The following LARGE1 variants were observed in gnomAD, a reference collection of about 807,000 sequenced individuals.
LARGE1 encodes the protein LARGE xylosyl- and glucuronyltransferase 1.
A neutral mutation model predicts 87.6 loss-of-function variants in LARGE1; 43 were observed. That is an observed-to-expected ratio of 0.49 (90% CI 0.38 to 0.63). The LOEUF is 0.63. LARGE1 is among the 30% of genes least tolerant of loss of function. The probability of loss-of-function intolerance (pLI) is 0.00; values close to 1 mark genes in which losing one functional copy is unlikely to be tolerated. For missense variants in LARGE1, 802 were observed against 1,000.2 expected, an observed-to-expected ratio of 0.80 and a Z score of 2.67; for synonymous variants, 434 against 394.6, an observed-to-expected ratio of 1.10 and a Z score of -1.18.
chr22:33,719,919 T>C (rs1432668728), intron 2 of LARGE1, among the ~76,000 whole-genome samples: 1 of 152,176 alleles, frequency 6.6e-6, no homozygotes, highest in Non-Finnish European at 1.5e-5. Flanking sequence ...AGTCACATGC[T>C]ATACAGGTTT....
upstream of LARGE1, among the ~76,000 whole-genome samples, chr22:33,920,763 G>C (rs2065925205): frequency 6.9e-6 from 1 of 144,692 alleles, no homozygotes; most frequent in East Asian, 2.1e-4. Context: ...GGCCGCCGCC[G>C]CCGCCTCCGA....
At chr22:33,079,468 C>T in the LARGE1 span, among the ~76,000 whole-genome samples, 1 of 151,986 alleles carries the variant, frequency 6.6e-6, no homozygotes, top group Non-Finnish European at 1.5e-5. Flanking sequence ...ACCTCATGAC[C>T]TGCCCGTCTT....
chr22:33,574,873 T>C (rs888369254), intron 5 of LARGE1, among the ~76,000 whole-genome samples: 4 of 152,032 alleles, frequency 2.6e-5, no homozygotes, highest in Non-Finnish European at 5.9e-5. Flanking sequence ...CACTGGATAA[T>C]ATCCCAGAGA....
the LARGE1 span, among the ~76,000 whole-genome samples, chr22:33,113,986 T>G: frequency 1.3e-5 from 2 of 151,232 alleles, no homozygotes; most frequent in African/African-American, 4.9e-5. Flanking sequence ...TTCTCCTGCC[T>G]CAGCCTCCCA....
At chr22:33,777,231 T>A (rs143322703) in intron 1 of LARGE1, among the ~76,000 whole-genome samples, 1 of 152,252 alleles carries the variant, frequency 6.6e-6, no homozygotes, top group African/African-American at 2.4e-5. Context: ...AACACTCAGA[T>A]AATGGGACTG....
At chr22:33,745,927 A>G (rs1177553835) in intron 2 of LARGE1, among the ~76,000 whole-genome samples, 1 of 152,180 alleles carries the variant, frequency 6.6e-6, no homozygotes, top group African/African-American at 2.4e-5. Context: ...GCGACCTTAC[A>G]TAGAAAAAAA....
intron 9 of LARGE1, among the ~76,000 whole-genome samples, chr22:33,378,963 A>G (rs566920570): frequency 2.9e-4 from 44 of 152,234 alleles, no homozygotes; most frequent in Admixed American, 9.8e-4. Flanking sequence ...ACAGCCAGAG[A>G]GAAGAGGTAC....
chr22:33,525,594 AAAC>A (rs1271415095), intron 6 of LARGE1, among the ~76,000 whole-genome samples: 1 of 152,200 alleles, frequency 6.6e-6, no homozygotes, highest in Non-Finnish European at 1.5e-5. Flanking sequence ...GCTCATGGTT[AAAC>A]AACTTCATCT....
At chr22:33,071,248 C>T in the LARGE1 span, among the ~76,000 whole-genome samples, 1 of 152,178 alleles carries the variant, frequency 6.6e-6, no homozygotes, top group Non-Finnish European at 1.5e-5. Flanking sequence ...CTACAGACCC[C>T]ACTTTGGGAA....
rs1568979322 is a variant in LARGE1 at position 33,222,623 on chromosome 22, T to C, written c.1731-55791A>G. On this transcript the variant is annotated intron_variant, in intron 11 of 11. Transcript: ENST00000608642. The stretch of plus-strand genomic sequence containing the variant: ...ACTCACACACAGGAGGAGAAGACCA[T>C]GTGAAGACAGAGGCAGAAACTGGAA... Among the ~76,000 whole-genome samples, 3 of 152,204 alleles carry C rather than the reference T, an allele frequency of 2.0e-5. No individual in the cohort carries two copies. The East Asian group carries it at 5.8e-4, about 29-fold the overall frequency.
intron 11 of LARGE1, among the ~76,000 whole-genome samples, chr22:33,243,948 T>C (rs1926636059): frequency 6.6e-6 from 1 of 152,136 alleles, no homozygotes; most frequent in African/African-American, 2.4e-5. Flanking sequence ...TAGTAAATAA[T>C]GTGGTCATTT....
At chr22:33,215,678 T>C (rs899130567) in intron 11 of LARGE1, among the ~76,000 whole-genome samples, 2 of 152,198 alleles carry the variant, frequency 1.3e-5, no homozygotes, top group Non-Finnish European at 2.9e-5. Flanking sequence ...TGTTTAAGGC[T>C]GGGCGTGGTG....
intron 9 of LARGE1, among the ~76,000 whole-genome samples, chr22:33,345,435 A>G (rs1274513801): frequency 6.6e-6 from 1 of 152,218 alleles, no homozygotes; most frequent in Non-Finnish European, 1.5e-5. Flanking sequence ...CCCCTGGGAT[A>G]CTAAGGCTGC....
chr22:33,770,048 A>C (rs2085017862), intron 1 of LARGE1, among the ~76,000 whole-genome samples: 1 of 152,234 alleles, frequency 6.6e-6, no homozygotes, highest in African/African-American at 2.4e-5. Flanking sequence ...AAAACCCAGA[A>C]GCAATCATAG....
At chr22:33,265,185 G>A (rs1028538395) in intron 11 of LARGE1, among the ~76,000 whole-genome samples, 3 of 151,976 alleles carry the variant, frequency 2.0e-5, no homozygotes, top group Non-Finnish European at 2.9e-5. Context: ...GATTACAGGC[G>A]TAAACCACCA....
At position 33,277,233 on chromosome 22, in the gene LARGE1, G is replaced by C; in HGVS notation, c.1900C>G (p.His634Asp). 1 of 1,614,224 alleles carries C rather than the reference G, an allele frequency of 6.2e-7. No individual in the cohort carries two copies. Among genetic ancestry groups the C allele is most frequent in the African/African-American group, 1.3e-5 (1 of 75,074 alleles). Residue 634 changes from histidine to aspartate, a missense_variant, in exon 14 of 15, where the codon CAC becomes GAC. His to Asp is a moderately conservative substitution (Grantham distance 81, BLOSUM62 -1). Transcript: ENST00000397394. ...CACTTGGCGAAGTTTGTGGGTGCGTGGCCTTTCGTCCAGACGTGGTACCTG... is the reference window on the plus strand; with the variant it reads ...CACTTGGCGAAGTTTGTGGGTGCGTCGCCTTTCGTCCAGACGTGGTACCTG... ...TFRYHVWTKG[H>D]APTNFAKWRT...
chr22:33,826,344 C>CTTTT (rs35127990), intron 1 of LARGE1, among the ~76,000 whole-genome samples: 1 of 137,854 alleles, frequency 7.3e-6, no homozygotes. Context: ...CTTTGCATAC[C>CTTTT]TTTTTTTTTT....
At chr22:33,831,673 C>G (rs1281500898) in intron 1 of LARGE1, among the ~76,000 whole-genome samples, 1 of 152,104 alleles carries the variant, frequency 6.6e-6, no homozygotes, top group Non-Finnish European at 1.5e-5. Flanking sequence ...AGTTTGCAAA[C>G]TCAGACATAG....
At chr22:33,776,986 G>A (rs143900563) in intron 1 of LARGE1, among the ~76,000 whole-genome samples, 7 of 152,270 alleles carry the variant, frequency 4.6e-5, no homozygotes, top group Non-Finnish European at 1.0e-4. Context: ...GGGGCCTCAA[G>A]AGAGTGTACA....
Sources: gnomAD v4.1 joint callset for allele counts (sites outside exome capture counted in the v4.1 genomes callset) on GRCh38, gnomAD v4.1.1 for gene constraint, MANE v1.5 for transcripts, NCBI Gene and HGNC (gene_info 2026-07-23, HGNC 2026-07-21) for gene names.